Variants in STT3A observed in about 807,000 individuals in gnomAD.
The protein encoded by STT3A is STT3 oligosaccharyltransferase complex catalytic subunit A.
Under a neutral mutation model 89.2 loss-of-function variants are expected in STT3A, and 34 were observed. That is an observed-to-expected ratio of 0.38 (90% CI 0.29 to 0.51). The LOEUF (loss-of-function observed/expected upper bound fraction) is 0.51, where lower values mean the gene tolerates loss of function less well. STT3A is among the 20% of genes least tolerant of loss of function. The probability of loss-of-function intolerance (pLI) is 0.89; values close to 1 mark genes in which losing one functional copy is unlikely to be tolerated. For synonymous variants in STT3A, 282 were observed against 310.3 expected (o/e 0.91, Z 0.96); for missense variants, 555 against 889.5 (o/e 0.62, Z 4.78).
At chr11:125,616,656 C>T (rs1448237578) in intron 15 of STT3A, among the ~76,000 whole-genome samples, 1 of 152,176 alleles carries the variant, frequency 6.6e-6, no homozygotes, top group African/African-American at 2.4e-5. Flanking sequence ...AATGGGCTCT[C>T]CTTGATGCAG....
intron 6 of STT3A, among the ~76,000 whole-genome samples, chr11:125,605,093 T>A (rs1348790046): frequency 2.0e-5 from 3 of 146,490 alleles, no homozygotes; most frequent in Non-Finnish European, 3.0e-5. Flanking sequence ...AGCAAGACCC[T>A]GTTTTTGTTG....
At position 125,614,448 on chromosome 11, in the gene STT3A, C is replaced by G. The variant is rs759578412; in HGVS notation, c.1774+22C>G. On this transcript the variant is annotated intron_variant, in intron 15 of 17. Transcript: ENST00000392708. This position sits in a 1 kb window ranked among gnomAD's most constrained non-coding sequence, Gnocchi z 4.9. ...GATGGTAATATACTTGATTCTGTTT[C>G]TAGCTGCAGGACATAGATTCTAAGA... 1.2e-6 allele frequency: 2 copies of G among 1,600,270 alleles called. No individual in the cohort carries two copies. Among genetic ancestry groups the G allele is most frequent in the East Asian group, 2.2e-5 (1 of 44,790 alleles).
rs750079949 is a variant in STT3A, at chr11:125,602,914, C to T, written c.383C>T (p.Thr128Ile). The change falls in exon 5 of 18, where the codon ACC becomes ATC. Residue 128 changes from threonine to isoleucine, a missense_variant. Thr to Ile is a moderately conservative substitution (Grantham distance 89). This residue lies in a region of STT3A where 129 missense variants were observed against 193.2 expected (regional missense o/e 0.67). Transcript: ENST00000392708. Reference protein sequence around the residue: ...FLAPLFSSFTTIVTYHLTKEL... With the variant: ...FLAPLFSSFTIIVTYHLTKEL... Reference sequence around the variant, plus strand: ...GCCCCTCTCTTCTCCTCCTTCACCACCATCGTCACGTACCACCTTACCAAA... The same window carrying T: ...GCCCCTCTCTTCTCCTCCTTCACCATCATCGTCACGTACCACCTTACCAAA... 2 of 1,614,144 alleles carry T rather than the reference C, an allele frequency of 1.2e-6. No individual in the cohort carries two copies. Among genetic ancestry groups the T allele is most frequent in the Admixed American group, 1.7e-5 (1 of 60,008 alleles).
chr11:125,613,254 G>A lies in STT3A; in HGVS notation c.1554+77G>A. The A allele has an allele frequency of 6.7e-7, 1 of 1,501,738 alleles. No homozygotes were observed. The allele number at this position is 1,501,738 out of a possible 1,614,324, so 93.0% of individuals were successfully genotyped here. ...ATTTGATGTTACAGTGAATCATACA[G>A]CTTTTAGATGGGTGGAAAGCTGGGT... On this transcript the variant is annotated intron_variant, in intron 13 of 17. Coordinates refer to ENST00000392708, the MANE Select transcript of STT3A (RefSeq NM_152713.5). The surrounding 1 kb of genome is among the most constrained non-coding windows in gnomAD (Gnocchi z 4.2).
intron 6 of STT3A, among the ~76,000 whole-genome samples, chr11:125,604,947 CA>C (rs1939787866): frequency 6.6e-6 from 1 of 151,976 alleles, no homozygotes; most frequent in African/African-American, 2.4e-5. Flanking sequence ...ATAAGAAATA[CA>C]AAAATTAGCT....
intron 12 of STT3A, 29 bp from the exon 13 acceptor site, chr11:125,612,957 AACT>A (rs748694923): frequency 1.9e-6 from 3 of 1,609,750 alleles, no homozygotes; most frequent in East Asian, 4.5e-5. Context: ...TAGTTTGGTT[AACT>A]ACACAATTAA....
At position 125,614,481 on chromosome 11, in the gene STT3A, A is replaced by T; in HGVS notation, c.1774+55A>T. On this transcript the variant is annotated intron_variant, in intron 15 of 17. Coordinates refer to ENST00000392708, the MANE Select transcript of STT3A (RefSeq NM_152713.5). The surrounding 1 kb of genome is among the most constrained non-coding windows in gnomAD (Gnocchi z 4.9). ...AGGACATAGATTCTAAGAAAACTAGATGAATATCCTAGTTTTCTGTACTTT... is the reference window on the plus strand; with the variant it reads ...AGGACATAGATTCTAAGAAAACTAGTTGAATATCCTAGTTTTCTGTACTTT... 1 of 1,471,346 alleles carries T rather than the reference A, an allele frequency of 6.8e-7. No individual in the cohort carries two copies. The highest frequency in any genetic ancestry group is 1.2e-5 in the South Asian group (1 of 84,682). The allele number at this position is 1,471,346 out of a possible 1,614,324, so 91.1% of individuals were successfully genotyped here.
intron 17 of STT3A, 88 bp from the exon 18 acceptor site, chr11:125,620,684 T>A (rs1181938981): frequency 3.1e-6 from 4 of 1,278,194 alleles, no homozygotes; most frequent in Non-Finnish European, 4.5e-6. Context: ...AACATAATCC[T>A]GCCCACTCTG....
chr11:125,606,136 T>TAA, intron 7 of STT3A, 165 bp from the exon 8 acceptor site: 7 of 542,904 alleles, frequency 1.3e-5, no homozygotes, highest in South Asian at 2.7e-5. Context: ...TTTTCCTGTT[T>TAA]AAAAAAAAAA....
upstream of STT3A, chr11:125,591,941 T>A: frequency 6.2e-6 from 1 of 160,364 alleles, no homozygotes; most frequent in Non-Finnish European, 1.4e-5. Flanking sequence ...TTCGTCCCCT[T>A]CTCTGCCCTC....
At chr11:125,592,268 G>A (rs917729465), upstream of STT3A, 9 of 383,206 alleles carry the variant, frequency 2.3e-5, no homozygotes, top group African/African-American at 1.7e-4. Flanking sequence ...CAGTTACCAA[G>A]GCACAGTAAA....
Position 125,595,929 on chromosome 11 carries a change from G to A in STT3A, c.14G>A (p.Gly5Glu). MTKFGFLRLSYEKQD... is the reference protein window; with the variant it reads MTKFEFLRLSYEKQD... Reference sequence around the variant, plus strand: ...ATTCATGTCAAGATGACTAAGTTTGGATTTTTGCGATTGTCCTATGAGAAG... The same window carrying A: ...ATTCATGTCAAGATGACTAAGTTTGAATTTTTGCGATTGTCCTATGAGAAG... Residue 5 changes from glycine (G) to glutamate (E), a missense_variant, in exon 2 of 18, where the codon GGA (glycine) becomes GAA (glutamate). Around this residue, in one of 5 missense-constraint regions of STT3A, gnomAD observed 129 missense variants for 193.2 expected, o/e 0.67. Transcript: ENST00000392708. 1 of 1,613,460 alleles carries A rather than the reference G, an allele frequency of 6.2e-7. No individual in the cohort carries two copies. Among genetic ancestry groups the A allele is most frequent in the Non-Finnish European group, 8.5e-7 (1 of 1,179,686 alleles).
intron 4 of STT3A, 180 bp from the exon 5 acceptor site, chr11:125,602,623 C>G: frequency 9.4e-7 from 1 of 1,065,686 alleles, no homozygotes. Flanking sequence ...TTTATACATT[C>G]TAGACTTCTG....
Position 125,611,520 on chromosome 11 carries a change from G to A in STT3A, c.1209+1G>A. The A allele has an allele frequency of 6.2e-7, 1 of 1,613,434 alleles. No homozygotes were observed. The highest frequency in any genetic ancestry group is 8.5e-7 in the Non-Finnish European group (1 of 1,179,610). ...CAGCATGTACTTTTCAGCTGTAATG[G>A]TGAGGATGCCCTCAGTCTGGTAGAC... On this transcript the variant is annotated splice_donor_variant, in intron 11 of 17. Coordinates refer to ENST00000392708, the MANE Select transcript of STT3A (RefSeq NM_152713.5). LOFTEE classifies it high-confidence loss of function.
chr11:125,609,301 G>T, intron 9 of STT3A, 133 bp from the exon 10 acceptor site: 1 of 1,099,572 alleles, frequency 9.1e-7, no homozygotes, highest in Non-Finnish European at 1.3e-6. Context: ...TCTAAGTATT[G>T]GTGGCAATTA....
chr11:125,620,714 A>G, intron 17 of STT3A, 58 bp from the exon 18 acceptor site: 1 of 1,570,084 alleles, frequency 6.4e-7, no homozygotes, highest in Non-Finnish European at 8.8e-7. Flanking sequence ...ATTTTAGTAG[A>G]AAATTTCTCC....
rs1345987682 is a variant in STT3A, at chr11:125,602,861, C to T, written c.330C>T (p.Ile110=). ...YHVLHFFHIT[I]DIRNVCVFLA... ...TACTCCATTTTTTCCACATCACCAT[C>T]GACATTCGGAATGTCTGTGTGTTCC... Residue 110 remains isoleucine, a synonymous_variant, in exon 5 of 18, where the codon ATC becomes ATT. Coordinates refer to ENST00000392708, the MANE Select transcript of STT3A (RefSeq NM_152713.5). 4.3e-6 allele frequency: 7 copies of T among 1,613,992 alleles called. No homozygotes were observed. Among genetic ancestry groups the T allele is most frequent in the East Asian group, 4.5e-5 (2 of 44,890 alleles).
rs1409199217 is a variant in STT3A, at chr11:125,597,041, ACT to A, written c.89-13_89-12del. The A allele has an allele frequency of 5.6e-6, 9 of 1,613,538 alleles. No individual in the cohort carries two copies. Among genetic ancestry groups the A allele is most frequent in the East Asian group, 2.2e-5 (1 of 44,868 alleles). ...ATGGCACATTACCAATAAAATATTAACTCTCTGGTTTTTGCAGCCTTCTCCAC... is the reference window on the plus strand; with the variant it reads ...ATGGCACATTACCAATAAAATATTAACTCTGGTTTTTGCAGCCTTCTCCAC... On this transcript the variant is annotated splice_polypyrimidine_tract_variant and intron_variant, in intron 2 of 17. Transcript: ENST00000392708.
chr11:125,608,487 C>T (rs1939904559), intron 9 of STT3A, 198 bp downstream of exon 9: 2 of 453,288 alleles, frequency 4.4e-6, no homozygotes, highest in Non-Finnish European at 7.6e-6. Flanking sequence ...CCACCACGCC[C>T]AGCCAATTTT....
Sources: allele counts gnomAD v4.1 joint callset (sites outside exome capture counted in the v4.1 genomes callset), GRCh38; gene constraint gnomAD v4.1.1; regional missense constraint gnomAD v4.1.1; non-coding constraint Gnocchi (gnomAD v3.1); transcripts MANE v1.5; gene names NCBI Gene and HGNC (gene_info 2026-07-23, HGNC 2026-07-21).